The following CRACD variants were observed in gnomAD, a reference collection of about 807,000 sequenced individuals.
The protein encoded by CRACD is capping protein inhibiting regulator of actin dynamics.
Under a neutral mutation model 106.8 loss-of-function variants are expected in CRACD, and 56 were observed. The ratio of observed to expected loss-of-function variants is 0.52; its 90% confidence interval spans 0.42 to 0.66. CRACD has a LOEUF of 0.66. Ranked by LOEUF, CRACD falls within the 30% of genes least tolerant of loss-of-function variation. The pLI, the probability that CRACD is intolerant of heterozygous loss-of-function variation, is 0.00. For missense variants in CRACD, 1,730 were observed against 1,623.2 expected (o/e 1.07, Z -1.13); for synonymous variants, 754 against 670.8 (o/e 1.12, Z -1.92).
intron 2 of CRACD, among the ~76,000 whole-genome samples, chr4:56,213,672 G>A (rs556309822): frequency 6.6e-6 from 1 of 152,260 alleles, no homozygotes; most frequent in East Asian, 1.9e-4. Context: ...GTTACAGTTT[G>A]GTGTTTGCCT....
chr4:56,118,101 G>C (rs988129210), intron 1 of CRACD, among the ~76,000 whole-genome samples: 2 of 152,138 alleles, frequency 1.3e-5, no homozygotes, highest in African/African-American at 4.8e-5. Flanking sequence ...CCTGTCCTCT[G>C]TATCATTTGT....
At chr4:56,267,445 T>C (rs900260797) in intron 2 of CRACD, among the ~76,000 whole-genome samples, 1 of 152,142 alleles carries the variant, frequency 6.6e-6, no homozygotes, top group African/African-American at 2.4e-5. Flanking sequence ...TTTAAAGATA[T>C]TTCTGGTGGA....
chr4:56,117,827 G>A (rs896597125), intron 1 of CRACD, among the ~76,000 whole-genome samples: 5 of 151,546 alleles, frequency 3.3e-5, no homozygotes, highest in Admixed American at 6.6e-5. Context: ...GTGTGATCTC[G>A]GCTCACTGCA....
intron 1 of CRACD, among the ~76,000 whole-genome samples, chr4:56,093,296 T>C (rs17086274): frequency 0.019 from 2,927 of 152,222 alleles, 110 homozygotes; most frequent in African/African-American, 0.067. Flanking sequence ...CCTGATGCGA[T>C]GTTAAGTCCT....
intron 1 of CRACD, among the ~76,000 whole-genome samples, chr4:56,138,958 T>C (rs1252999482): frequency 2.0e-5 from 3 of 152,222 alleles, no homozygotes; most frequent in Non-Finnish European, 4.4e-5. Flanking sequence ...AGTATAACTT[T>C]AGTAGGTTTC....
At position 56,183,710 on chromosome 4, in the gene CRACD, T is replaced by C. The variant is rs145385911; in HGVS notation, c.-189+4280T>C. On this transcript the variant is annotated intron_variant, in intron 2 of 10. Transcript: ENST00000682029. ...CCTCAAACCAGGAAGATTCACGAAC[T>C]AGAGCATGAGGCAAGGTGCGTGGTT... Among the ~76,000 whole-genome samples the C allele has an allele frequency of 2.7e-4, 41 of 152,314 alleles. No individual in the cohort carries two copies. The East Asian group carries it at 6.2e-3, about 23-fold the overall frequency.
At chr4:56,323,317 A>G in intron 8 of CRACD, 60 bp from the exon 9 acceptor site, 1 of 1,445,638 alleles carries the variant, frequency 6.9e-7, no homozygotes, top group Non-Finnish European at 9.5e-7. Flanking sequence ...GGGGGTGAGG[A>G]ACTGAGGTAA....
chr4:56,056,540 C>CAGG (rs1199802567), intron 1 of CRACD, among the ~76,000 whole-genome samples: 1 of 149,436 alleles, frequency 6.7e-6, no homozygotes, highest in African/African-American at 2.5e-5. Flanking sequence ...AGGCCAAGGC[C>CAGG]AGGAATTCCA....
chr4:56,172,335 C>T (rs910195372), intron 1 of CRACD, among the ~76,000 whole-genome samples: 8 of 152,178 alleles, frequency 5.3e-5, no homozygotes, highest in South Asian at 4.1e-4. Flanking sequence ...GCACAGTTAC[C>T]GCTGCTGGGC....
At chr4:56,058,132 C>G (rs938707248) in intron 1 of CRACD, among the ~76,000 whole-genome samples, 1 of 151,540 alleles carries the variant, frequency 6.6e-6, no homozygotes, top group African/African-American at 2.4e-5. Context: ...TGCAGTGGCA[C>G]CATCTCGGCT....
rs1477600191 is a variant in CRACD, at chr4:56,315,892, C to G, written c.2390C>G (p.Ser797Cys). 1 of 1,614,120 alleles carries G rather than the reference C, an allele frequency of 6.2e-7. No individual in the cohort carries two copies. The highest frequency in any genetic ancestry group is 1.3e-5 in the African/African-American group (1 of 74,954). ...TGCAAATTTGCCAAAGACCTCCCGT[C>G]TTTCCTTGTCCCAAGCCTTCCTTAC... ...EGCKFAKDLP[S>C]FLVPSLPYPP... The change falls in exon 8 of 11, where the codon TCT (serine) becomes TGT (cysteine). Residue 797 changes from serine to cysteine, a missense_variant. Physicochemically the swap from Ser to Cys is moderately radical, Grantham distance 112. Coordinates refer to ENST00000682029, the MANE Select transcript of CRACD (RefSeq NM_001393381.1). This position sits in a 1 kb window ranked among gnomAD's most constrained non-coding sequence, Gnocchi z 4.1.
intron 2 of CRACD, among the ~76,000 whole-genome samples, chr4:56,253,190 C>T (rs1452770329): frequency 6.6e-6 from 1 of 152,176 alleles, no homozygotes; most frequent in East Asian, 1.9e-4. Flanking sequence ...TCTGGCCTCT[C>T]CCAGGCCCTG....
At chr4:56,163,960 C>T (rs1199711437) in intron 1 of CRACD, among the ~76,000 whole-genome samples, 1 of 152,028 alleles carries the variant, frequency 6.6e-6, no homozygotes, top group Non-Finnish European at 1.5e-5. Flanking sequence ...GTTGCCCAGG[C>T]TGGTCTGGAG....
At chr4:56,055,724 T>C (rs1388495817) in intron 1 of CRACD, among the ~76,000 whole-genome samples, 2 of 152,178 alleles carry the variant, frequency 1.3e-5, no homozygotes, top group Admixed American at 1.3e-4. Context: ...AAGTTTGTGA[T>C]GGGTTAACTG....
chr4:56,296,690 G>A (rs1161050765), intron 3 of CRACD, among the ~76,000 whole-genome samples: 1 of 152,174 alleles, frequency 6.6e-6, no homozygotes, highest in Non-Finnish European at 1.5e-5. Context: ...GGAAGGAGGA[G>A]GTTGTGCTCT....
At chr4:56,077,558 G>T (rs1285922302) in intron 1 of CRACD, among the ~76,000 whole-genome samples, 3 of 152,184 alleles carry the variant, frequency 2.0e-5, no homozygotes, top group Non-Finnish European at 2.9e-5. Flanking sequence ...TTTTATGGGA[G>T]ACCGTTATGC....
At chr4:56,298,403 G>A (rs1303579926) in intron 4 of CRACD, 54 bp downstream of exon 4, 3 of 1,599,550 alleles carry the variant, frequency 1.9e-6, no homozygotes, top group East Asian at 2.2e-5. Flanking sequence ...CAGTTATGAA[G>A]GGAAGTGGGA....
intron 1 of CRACD, among the ~76,000 whole-genome samples, chr4:56,140,391 A>G (rs957714496): frequency 6.6e-6 from 1 of 152,124 alleles, no homozygotes; most frequent in Non-Finnish European, 1.5e-5. Context: ...TGTCCCATGC[A>G]CCTTCTATTA....
intron 2 of CRACD, among the ~76,000 whole-genome samples, chr4:56,199,681 C>A (rs1262853355): frequency 1.5e-3 from 154 of 101,116 alleles, no homozygotes; most frequent in Admixed American, 1.9e-3. Flanking sequence ...AACTCCGTCT[C>A]AAAAAAAAAA....
Sources: gnomAD v4.1 joint callset for allele counts (sites outside exome capture counted in the v4.1 genomes callset) on GRCh38, gnomAD v4.1.1 for gene constraint, Gnocchi (gnomAD v3.1) non-coding constraint, MANE v1.5 for transcripts, NCBI Gene and HGNC (gene_info 2026-07-23, HGNC 2026-07-21) for gene names.